GP9: variants seen among roughly 807,000 people sequenced by gnomAD.
GP9 encodes the protein platelet glycoprotein IX.
For synonymous variants in GP9, 116 were observed against 116.7 expected (o/e 0.99, Z 0.04); for missense variants, 228 against 241.8 (o/e 0.94, Z 0.38).
chr3:129,062,251 C>A lies in GP9; in HGVS notation c.512C>A (p.Ala171Asp). The change falls in exon 3 of 3, where the codon GCC becomes GAC. Residue 171 changes from alanine to aspartate, a missense_variant. By Grantham distance (126) the Ala-to-Asp change is moderately radical (BLOSUM62 -2). Transcript: ENST00000307395. ...GCTCTTCTGGCTGGCCTGCTGTGTG[C>A]CACCACAGAGGCCCTGGATTGAGCC... ...GLALLAGLLC[A>D]TTEALD 6.4e-7 allele frequency: 1 copy of A among 1,554,216 alleles called. No homozygotes were observed.
upstream of GP9, among the ~76,000 whole-genome samples, chr3:129,056,472 G>A (rs76289104): frequency 0.015 from 2,224 of 152,288 alleles, 60 homozygotes; most frequent in African/African-American, 0.051. Context: ...CTCATAATAC[G>A]ATTACCAAAC....
rs1396084502 is a variant in GP9, at chr3:129,061,956, C to T, written c.217C>T (p.His73Tyr). ...LQSVPPGAFD[H>Y]LPQLQTLDVT... ...GTCCGTGCCCCCGGGAGCCTTTGACCACCTGCCCCAGCTGCAGACCCTCGA... is the reference window on the plus strand; with the variant it reads ...GTCCGTGCCCCCGGGAGCCTTTGACTACCTGCCCCAGCTGCAGACCCTCGA... The change falls in exon 3 of 3, where the codon CAC becomes TAC. Residue 73 changes from histidine (H) to tyrosine (Y), a missense_variant. Coordinates refer to ENST00000307395, the MANE Select transcript of GP9 (RefSeq NM_000174.5). 3 of 1,613,898 alleles carry T rather than the reference C, an allele frequency of 1.9e-6. No homozygotes were observed. The highest frequency in any genetic ancestry group is 3.3e-5 in the Admixed American group (2 of 60,034).
chr3:129,060,401 G>T (rs1270164207), upstream of GP9, among the ~76,000 whole-genome samples: 1 of 152,250 alleles, frequency 6.6e-6, no homozygotes, highest in Non-Finnish European at 1.5e-5. Flanking sequence ...AGTGGGAGCT[G>T]CCCAGCCCAC....
upstream of GP9, among the ~76,000 whole-genome samples, chr3:129,060,268 G>C (rs1387367602): frequency 2.0e-5 from 3 of 152,212 alleles, no homozygotes; most frequent in Admixed American, 2.0e-4. Flanking sequence ...AAGAGGCATG[G>C]AGAAGCACTA....
In GP9 at chr3:129,062,229, C is replaced by T. The variant is rs774219310; in HGVS notation, c.490C>T (p.Leu164Phe). Residue 164 changes from leucine (L) to phenylalanine (F), a missense_variant, in exon 3 of 3, where the codon CTT (leucine) becomes TTT (phenylalanine). Leu to Phe is a conservative substitution (Grantham distance 22). Coordinates refer to ENST00000307395, the MANE Select transcript of GP9 (RefSeq NM_000174.5). ...CGCCGTGGCCGCGCTGGGCCTGGCT[C>T]TTCTGGCTGGCCTGCTGTGTGCCAC... ...LVAVAALGLA[L>F]LAGLLCATTE... 17 of 1,562,408 alleles carry T rather than the reference C, an allele frequency of 1.1e-5. No homozygotes were observed. The highest frequency in any genetic ancestry group is 2.2e-4 in the Middle Eastern group (1 of 4,632).
In GP9 at chr3:129,061,918, A is replaced by C; in HGVS notation, c.179A>C (p.Asn60Thr). ...CGCACCCGCCACCTTCTGCTGGCCA[A>C]CAACAGCCTTCAGTCCGTGCCCCCG... ...PARTRHLLLA[N>T]NSLQSVPPGA... The change falls in exon 3 of 3, where the codon AAC becomes ACC. Residue 60 changes from asparagine to threonine, a missense_variant. Asn to Thr is a moderately conservative substitution (Grantham distance 65, BLOSUM62 0). Transcript: ENST00000307395. 1 of 1,613,816 alleles carries C rather than the reference A, an allele frequency of 6.2e-7. No individual in the cohort carries two copies. The highest frequency in any genetic ancestry group is 8.5e-7 in the Non-Finnish European group (1 of 1,179,882).
upstream of GP9, among the ~76,000 whole-genome samples, chr3:129,059,107 G>A (rs568091544): frequency 7.2e-5 from 11 of 152,350 alleles, no homozygotes; most frequent in South Asian, 2.3e-3. Context: ...CTTGCCTGAT[G>A]TTGGGATGGA....
chr3:129,060,430 G>A (rs573073627), upstream of GP9, among the ~76,000 whole-genome samples: 37 of 152,370 alleles, frequency 2.4e-4, no homozygotes, highest in East Asian at 6.7e-3. Context: ...GAGGCAGGCA[G>A]GACCGGTCAC....
the GP9 span, among the ~76,000 whole-genome samples, chr3:129,055,644 C>CTT: frequency 1.2e-4 from 18 of 148,580 alleles, no homozygotes; most frequent in South Asian, 4.3e-4. Context: ...TTCTTTCTTT[C>CTT]TTTCTTTTTT....
Position 129,062,167 on chromosome 3 carries a change from G to T in GP9, c.428G>T (p.Trp143Leu). 1 of 1,577,752 alleles carries T rather than the reference G, an allele frequency of 6.3e-7. No individual in the cohort carries two copies. The highest frequency in any genetic ancestry group is 1.1e-5 in the South Asian group (1 of 87,680). Residue 143 changes from tryptophan to leucine, a missense_variant, in exon 3 of 3, where the codon TGG (tryptophan) becomes TTG (leucine). Coordinates refer to ENST00000307395, the MANE Select transcript of GP9 (RefSeq NM_000174.5). ...TGTGGCTGGCAGCTGCAGGCGTCCTGGGTGCGCCCGGGGGTCTTGTGGGAC... is the reference window on the plus strand; with the variant it reads ...TGTGGCTGGCAGCTGCAGGCGTCCTTGGTGCGCCCGGGGGTCTTGTGGGAC... The part of the protein sequence containing the change: ...GSCGWQLQAS[W>L]VRPGVLWDVA...
upstream of GP9, among the ~76,000 whole-genome samples, chr3:129,056,534 C>T (rs1188118372): frequency 6.6e-6 from 1 of 152,198 alleles, no homozygotes; most frequent in Non-Finnish European, 1.5e-5. Flanking sequence ...CTGTCTCCCT[C>T]ATGTTTCTCG....
chr3:129,056,617 C>G (rs1946523816), upstream of GP9, among the ~76,000 whole-genome samples: 1 of 152,168 alleles, frequency 6.6e-6, no homozygotes, highest in South Asian at 2.1e-4. Flanking sequence ...ACAAGATCTG[C>G]GAACACTTCC....
At chr3:129,060,475 C>T (rs962427690), upstream of GP9, among the ~76,000 whole-genome samples, 6 of 152,230 alleles carry the variant, frequency 3.9e-5, no homozygotes, top group Admixed American at 2.0e-4. Context: ...AACTGAGATT[C>T]GGAGGAACAA....
At chr3:129,061,440 T>C in intron 1 of GP9, 54 bp from the exon 2 acceptor site, 1 of 524,850 alleles carries the variant, frequency 1.9e-6, no homozygotes, top group Non-Finnish European at 3.5e-6. Flanking sequence ...GGGTCTCTGC[T>C]AAGGGCCAGG....
At chr3:129,057,822 G>A (rs931781392), upstream of GP9, among the ~76,000 whole-genome samples, 1 of 150,814 alleles carries the variant, frequency 6.6e-6, no homozygotes, top group African/African-American at 2.4e-5. Context: ...CAGGATTATA[G>A]GTTGCTTCTT....
chr3:129,056,543 C>T (rs181820997), upstream of GP9, among the ~76,000 whole-genome samples: 58 of 152,280 alleles, frequency 3.8e-4, no homozygotes, highest in Admixed American at 3.6e-3. Flanking sequence ...TCATGTTTCT[C>T]GTTATTTGTG....
At position 129,062,259 on chromosome 3, in the gene GP9, G is replaced by A. The variant is rs1309439126; in HGVS notation, c.520G>A (p.Glu174Lys). Residue 174 changes from glutamate to lysine, a missense_variant, in exon 3 of 3, where the codon GAG becomes AAG. Transcript: ENST00000307395. Reference protein sequence around the residue: ...LLAGLLCATTEALD With the variant: ...LLAGLLCATTKALD ...GGCTGGCCTGCTGTGTGCCACCACA[G>A]AGGCCCTGGATTGAGCCAGGCCCCC... 3.2e-6 allele frequency: 5 copies of A among 1,551,806 alleles called. No homozygotes were observed. The highest frequency in any genetic ancestry group is 4.4e-6 in the Non-Finnish European group (5 of 1,149,166).
upstream of GP9, among the ~76,000 whole-genome samples, chr3:129,058,586 A>G (rs1426221943): frequency 6.6e-6 from 1 of 152,234 alleles, no homozygotes; most frequent in Admixed American, 6.5e-5. Flanking sequence ...ATGGTAGTTT[A>G]CAAATGCCAT....
chr3:129,060,688 T>C (rs1316850186), upstream of GP9: 1 of 152,372 alleles, frequency 6.6e-6, no homozygotes, highest in Non-Finnish European at 1.5e-5. Context: ...CCTCTGGAAA[T>C]AGGCCCCAAG....
Sources: gnomAD v4.1 joint callset for allele counts (sites outside exome capture counted in the v4.1 genomes callset) on GRCh38, gnomAD v4.1.1 for gene constraint, MANE v1.5 for transcripts, NCBI Gene and HGNC (gene_info 2026-07-23, HGNC 2026-07-21) for gene names.